The following CDH13 variants were observed in gnomAD, a reference collection of about 807,000 sequenced individuals.
The protein encoded by CDH13 is cadherin 13.
CDH13 carries 24 observed loss-of-function variants against 63.8 expected under a neutral mutation model. The observed-to-expected ratio is 0.38, with a 90% confidence interval of 0.27 to 0.53. CDH13 has a LOEUF of 0.53. CDH13 is among the 20% of genes least tolerant of loss of function. The pLI, the probability that CDH13 is intolerant of heterozygous loss-of-function variation, is 0.85. For synonymous variants in CDH13, 503 were observed against 355.3 expected (o/e 1.42, Z -4.67); for missense variants, 1,049 against 903.1 (o/e 1.16, Z -2.07).
intron 5 of CDH13, among the ~76,000 whole-genome samples, chr16:83,330,081 C>A (rs2090448788): frequency 1.3e-5 from 2 of 152,136 alleles, no homozygotes; most frequent in African/African-American, 4.8e-5. Context: ...AAAGCATTGC[C>A]TTCAAATAGA....
chr16:83,169,684 T>A (rs1370320188), intron 4 of CDH13, among the ~76,000 whole-genome samples: 4 of 152,140 alleles, frequency 2.6e-5, no homozygotes, highest in African/African-American at 9.6e-5. Context: ...TTGTGGATAT[T>A]AATCTCTTGC....
intron 5 of CDH13, among the ~76,000 whole-genome samples, chr16:83,263,643 C>G (rs1195257301): frequency 6.6e-6 from 1 of 152,162 alleles, no homozygotes; most frequent in Non-Finnish European, 1.5e-5. Context: ...GGATTAAAAC[C>G]ATTACCACTG....
At chr16:83,202,606 C>T (rs923570154) in intron 4 of CDH13, among the ~76,000 whole-genome samples, 10 of 152,054 alleles carry the variant, frequency 6.6e-5, no homozygotes, top group Admixed American at 4.6e-4. Context: ...TTTACATTTC[C>T]AGGCATCAGT....
intron 3 of CDH13, among the ~76,000 whole-genome samples, chr16:83,109,638 C>A (rs1269174030): frequency 6.6e-6 from 1 of 152,154 alleles, no homozygotes; most frequent in African/African-American, 2.4e-5. Context: ...GTGCTCACAT[C>A]TGGAATACAT....
At chr16:82,641,579 G>C (rs936403859) in intron 1 of CDH13, among the ~76,000 whole-genome samples, 3 of 152,180 alleles carry the variant, frequency 2.0e-5, no homozygotes, top group Non-Finnish European at 4.4e-5. Context: ...TTTGACATGT[G>C]ATATATTCTC....
chr16:82,697,423 CTTTTTTTTT>C (rs34376129), intron 1 of CDH13, among the ~76,000 whole-genome samples: 6 of 54,896 alleles, frequency 1.1e-4, no homozygotes, highest in East Asian at 6.7e-4. Context: ...TTTCTTTTTT[CTTTTTTTTT>C]TTTTTTTTTT....
rs188607729 is a variant in CDH13 at position 82,890,760 on chromosome 16, T to C, written c.157+32287T>C. On this transcript the variant is annotated intron_variant, in intron 2 of 13. Coordinates refer to ENST00000567109, the MANE Select transcript of CDH13 (RefSeq NM_001257.5). ...TCCGCCTCCCAGGTTCAAGCAATTA[T>C]CCTGCCTCAGCCTCCCGAATAGCTG... Among the ~76,000 whole-genome samples the C allele has an allele frequency of 1.7e-3, 264 of 151,920 alleles. 2 individuals carry two copies. Among genetic ancestry groups the C allele is most frequent in the Non-Finnish European group, 3.0e-3 (205 of 67,944 alleles).
At chr16:83,419,174 A>G (rs1597976105) in intron 6 of CDH13, among the ~76,000 whole-genome samples, 2 of 152,094 alleles carry the variant, frequency 1.3e-5, no homozygotes, top group African/African-American at 4.8e-5. Context: ...ATCTGTGACC[A>G]GCTCCATCCC....
intron 7 of CDH13, among the ~76,000 whole-genome samples, chr16:83,582,591 T>C (rs1241153870): frequency 2.0e-5 from 3 of 152,132 alleles, no homozygotes; most frequent in Non-Finnish European, 4.4e-5. Flanking sequence ...CCATAAGGGT[T>C]GTTAGGACAC....
chr16:83,715,762 C>G (rs531688121), intron 10 of CDH13, among the ~76,000 whole-genome samples: 11 of 152,256 alleles, frequency 7.2e-5, no homozygotes, highest in Non-Finnish European at 1.5e-4. Context: ...GATGCCTTGG[C>G]TTGGGTCAGG....
At chr16:83,769,144 C>T (rs1247429778) in intron 11 of CDH13, among the ~76,000 whole-genome samples, 1 of 152,142 alleles carries the variant, frequency 6.6e-6, no homozygotes, top group African/African-American at 2.4e-5. Flanking sequence ...AGGGTGAAGT[C>T]ATAGGAAGGG....
At chr16:83,692,376 G>T (rs1352483623) in intron 10 of CDH13, among the ~76,000 whole-genome samples, 1 of 152,168 alleles carries the variant, frequency 6.6e-6, no homozygotes, top group Non-Finnish European at 1.5e-5. Context: ...ATTCTTCCCG[G>T]CTTGCTCTTT....
At chr16:83,193,132 C>T (rs990073243) in intron 4 of CDH13, among the ~76,000 whole-genome samples, 2 of 151,174 alleles carry the variant, frequency 1.3e-5, no homozygotes, top group African/African-American at 4.9e-5. Flanking sequence ...GAATCATCAA[C>T]ATCCAGGGAA....
chr16:82,715,605 T>C (rs1327287873), intron 1 of CDH13, among the ~76,000 whole-genome samples: 1 of 152,094 alleles, frequency 6.6e-6, no homozygotes, highest in Non-Finnish European at 1.5e-5. Flanking sequence ...AAACAGGAAT[T>C]TCTATATTTG....
intron 10 of CDH13, among the ~76,000 whole-genome samples, chr16:83,742,852 C>G (rs1912195715): frequency 6.6e-6 from 1 of 152,202 alleles, no homozygotes; most frequent in African/African-American, 2.4e-5. Context: ...GCTGTCCTTC[C>G]AGGGCATCTG....
chr16:83,099,089 CACAT>C (rs1169231928), intron 3 of CDH13, among the ~76,000 whole-genome samples: 1 of 152,014 alleles, frequency 6.6e-6, no homozygotes, highest in Non-Finnish European at 1.5e-5. Flanking sequence ...CACCCACACA[CACAT>C]ACATAAAGAT....
intron 2 of CDH13, among the ~76,000 whole-genome samples, chr16:82,963,558 T>C (rs1330596627): frequency 1.3e-5 from 2 of 152,188 alleles, no homozygotes; most frequent in Non-Finnish European, 2.9e-5. Flanking sequence ...TCCCATAGTC[T>C]GTCTTCCCCT....
At chr16:83,757,409 C>T (rs1432759084) in intron 11 of CDH13, among the ~76,000 whole-genome samples, 1 of 152,082 alleles carries the variant, frequency 6.6e-6, no homozygotes, top group Non-Finnish European at 1.5e-5. Context: ...AAAACCCTGT[C>T]TCTACCAAAC....
intron 6 of CDH13, among the ~76,000 whole-genome samples, chr16:83,478,578 C>CTGG (rs2073672835): frequency 6.6e-6 from 1 of 152,194 alleles, no homozygotes. Flanking sequence ...CCCTGGATAA[C>CTGG]TGGGCAACCC....
Sources: gnomAD v4.1 joint callset for allele counts (sites outside exome capture counted in the v4.1 genomes callset) on GRCh38, gnomAD v4.1.1 for gene constraint, MANE v1.5 for transcripts, NCBI Gene and HGNC (gene_info 2026-07-23, HGNC 2026-07-21) for gene names.